Variants in ATP9B observed in about 807,000 individuals in gnomAD.
ATP9B encodes ATPase phospholipid transporting 9B.
Under a neutral mutation model 146.1 loss-of-function variants are expected in ATP9B, and 110 were observed. The observed-to-expected ratio is 0.75, with a 90% CI of 0.65 to 0.88. ATP9B has a LOEUF of 0.88. Ranked by LOEUF, ATP9B falls within the 40% of genes least tolerant of loss-of-function variation. The probability of loss-of-function intolerance (pLI) is 0.00; values close to 1 mark genes in which losing one functional copy is unlikely to be tolerated. For missense variants in ATP9B, 1,499 were observed against 1,496.4 expected (o/e 1.00, Z -0.03); for synonymous variants, 604 against 569.7 (o/e 1.06, Z -0.86).
At chr18:79,069,773 C>T (rs67831887) in intron 1 of ATP9B, among the ~76,000 whole-genome samples, 37,970 of 152,096 alleles carry the variant, frequency 0.25, 5,073 homozygotes, top group East Asian at 0.5. Flanking sequence ...AGCGTAGGAG[C>T]CAGAACGGGA....
Position 79,281,666 on chromosome 18 carries a change from C to A in ATP9B, c.1411+4470C>A, listed in dbSNP as rs147279019. Among the ~76,000 whole-genome samples, 369 of 152,214 alleles carry A rather than the reference C, an allele frequency of 2.4e-3. 1 individual carries two copies. The highest frequency in any genetic ancestry group is 8.0e-3 in the African/African-American group (332 of 41,534). ...AAAATTCTCAGAAAAAAAGTGTAAG[C>A]TGTTAAAAATGACTCAGAAGAAACA... On this transcript the variant is annotated intron_variant, in intron 13 of 29. Coordinates refer to ENST00000426216, the MANE Select transcript of ATP9B (RefSeq NM_198531.5).
chr18:79,365,212 AC>A (rs2097019258), intron 26 of ATP9B, among the ~76,000 whole-genome samples: 2 of 152,154 alleles, frequency 1.3e-5, no homozygotes, highest in Non-Finnish European at 1.5e-5. Context: ...ATTAACAGAC[AC>A]CACCCCAGAG....
intron 13 of ATP9B, among the ~76,000 whole-genome samples, chr18:79,298,583 G>C (rs553609709): frequency 6.8e-6 from 1 of 147,048 alleles, no homozygotes; most frequent in Non-Finnish European, 1.5e-5. Flanking sequence ...TTGTAGGTAA[G>C]ATTATTTCTA....
chr18:79,226,180 C>T (rs2095732441), intron 11 of ATP9B, among the ~76,000 whole-genome samples: 1 of 152,248 alleles, frequency 6.6e-6, no homozygotes, highest in Non-Finnish European at 1.5e-5. Flanking sequence ...GTGTCACAGC[C>T]TGAGTCATGT....
At chr18:79,234,532 G>A (rs2095821273) in intron 11 of ATP9B, among the ~76,000 whole-genome samples, 2 of 152,206 alleles carry the variant, frequency 1.3e-5, no homozygotes, top group Non-Finnish European at 2.9e-5. Flanking sequence ...GGCCAGCTCC[G>A]CCACTACAGG....
In ATP9B at chr18:79,113,297, C is replaced by G; in HGVS notation, c.501C>G (p.Cys167Trp). ...ATCTCTATTTTCTAGTAATATCCTG[C>G]TCACAGTTTGTACCAGCATTGAAAA... ...FLNLYFLVIS[C>W]SQFVPALKIG... is the part of the protein sequence containing the mutation. The change falls in exon 4 of 30, where the codon TGC becomes TGG. Residue 167 changes from cysteine (C) to tryptophan (W), a missense_variant. Cys to Trp is a radical substitution (Grantham distance 215). Coordinates refer to ENST00000426216, the MANE Select transcript of ATP9B (RefSeq NM_198531.5). 1 of 1,602,296 alleles carries G rather than the reference C, an allele frequency of 6.2e-7. No homozygotes were observed. Among genetic ancestry groups the G allele is most frequent in the Non-Finnish European group, 8.5e-7 (1 of 1,170,760 alleles).
At chr18:79,338,791 A>G (rs1406826644) in intron 19 of ATP9B, among the ~76,000 whole-genome samples, 6 of 152,244 alleles carry the variant, frequency 3.9e-5, no homozygotes, top group Admixed American at 3.9e-4. Flanking sequence ...AAGATAATTT[A>G]TTTCAGCACT....
At chr18:79,348,102 GTTGTC>G (rs1568780820) in intron 24 of ATP9B, 25 bp from the exon 25 acceptor site, 2 of 1,613,408 alleles carry the variant, frequency 1.2e-6, no homozygotes, top group South Asian at 2.2e-5. Flanking sequence ...GGAACTGACA[GTTGTC>G]TTCGTCTGTG....
At chr18:79,345,638 C>G (rs1295489323) in intron 22 of ATP9B, 66 bp downstream of exon 22, 1 of 1,595,356 alleles carries the variant, frequency 6.3e-7, no homozygotes, top group African/African-American at 1.3e-5. Context: ...CATTGATGGG[C>G]AAAGTTTGTT....
At chr18:79,375,147 C>T (rs1347534996) in intron 28 of ATP9B, among the ~76,000 whole-genome samples, 1 of 152,246 alleles carries the variant, frequency 6.6e-6, no homozygotes, top group African/African-American at 2.4e-5. Flanking sequence ...GTCTCTGTCT[C>T]CTAGGGGAAT....
At chr18:79,140,354 T>G (rs1199062863) in intron 5 of ATP9B, among the ~76,000 whole-genome samples, 1 of 152,240 alleles carries the variant, frequency 6.6e-6, no homozygotes, top group Middle Eastern at 3.2e-3. Flanking sequence ...TTTCTTTAGT[T>G]TTTTTCAACT....
Position 79,118,396 on chromosome 18 carries a change from T to G in ATP9B, c.558+5042T>G, listed in dbSNP as rs796391329. On this transcript the variant is annotated intron_variant, in intron 4 of 29. Coordinates refer to ENST00000426216, the MANE Select transcript of ATP9B (RefSeq NM_198531.5). ...AATCATATTGAACGTTTTTGTTTTT[T>G]TTTTTTTTTTTTTTTTTTTTTTGAG... Among the ~76,000 whole-genome samples the G allele has an allele frequency of 7.5e-3, 894 of 119,266 alleles. 17 individuals carry two copies. Among genetic ancestry groups the G allele is most frequent in the African/African-American group, 0.026 (775 of 29,370 alleles). 78.2% of individuals were successfully genotyped at this position (119,266 alleles called of 152,430 possible).
chr18:79,215,338 C>A (rs1448945376), intron 11 of ATP9B, among the ~76,000 whole-genome samples: 1 of 152,088 alleles, frequency 6.6e-6, no homozygotes, highest in Non-Finnish European at 1.5e-5. Flanking sequence ...CTGGGGCATG[C>A]CTTGAGAACG....
intron 13 of ATP9B, among the ~76,000 whole-genome samples, chr18:79,290,603 C>A (rs997825806): frequency 6.6e-6 from 1 of 152,224 alleles, no homozygotes; most frequent in Non-Finnish European, 1.5e-5. Flanking sequence ...TCGGCTCGCG[C>A]AACATGCGCT....
rs543588639 is a variant in ATP9B, at chr18:79,120,140, A to G, written c.559-6127A>G. ...TGCATTTTCTATACCAGTTTATATT[A>G]ACCCCATTATATCCAGTGCCAGCAA... is the stretch of plus-strand genomic sequence containing the variant. On this transcript the variant is annotated intron_variant, in intron 4 of 29. Coordinates refer to ENST00000426216, the MANE Select transcript of ATP9B (RefSeq NM_198531.5). 2.0e-4 allele frequency among the ~76,000 whole-genome samples: 31 copies of G among 152,310 alleles called. No homozygotes were observed. In the South Asian group the frequency reaches 6.2e-3, roughly 31 times the overall value.
chr18:79,290,325 C>T (rs994417712), intron 13 of ATP9B, among the ~76,000 whole-genome samples: 10 of 152,138 alleles, frequency 6.6e-5, no homozygotes, highest in African/African-American at 2.4e-4. Context: ...CAATGGCGGG[C>T]GCCCCTCCCC....
intron 4 of ATP9B, among the ~76,000 whole-genome samples, chr18:79,116,923 A>T (rs1379837877): frequency 7.9e-5 from 6 of 75,680 alleles, no homozygotes; most frequent in Non-Finnish European, 1.2e-4. Context: ...AGAGTATAAT[A>T]AAAAAAAAAA....
chr18:79,252,987 T>C (rs73973037), intron 11 of ATP9B, among the ~76,000 whole-genome samples: 3,423 of 152,328 alleles, frequency 0.022, 115 homozygotes, highest in African/African-American at 0.07. Context: ...AAGACCCGCC[T>C]GCGCCCTCAG....
chr18:79,077,762 G>A (rs2072787543), intron 1 of ATP9B, among the ~76,000 whole-genome samples: 1 of 152,172 alleles, frequency 6.6e-6, no homozygotes, highest in Non-Finnish European at 1.5e-5. Flanking sequence ...GCCAGCATAA[G>A]AGAGTCCTCT....
Sources: allele counts gnomAD v4.1 joint callset (sites outside exome capture counted in the v4.1 genomes callset), GRCh38; gene constraint gnomAD v4.1.1; transcripts MANE v1.5; gene names NCBI Gene and HGNC (gene_info 2026-07-23, HGNC 2026-07-21).